GPALPP1: variants seen among roughly 807,000 people sequenced by gnomAD.
The protein encoded by GPALPP1 is GPALPP motifs-containing protein 1.
In GPALPP1, 30 loss-of-function variants were observed where a neutral mutation model predicts 38.9. The observed-to-expected ratio is 0.77, with a 90% confidence interval of 0.58 to 1.05. The LOEUF (loss-of-function observed/expected upper bound fraction) is 1.05, where lower values mean the gene tolerates loss of function less well. GPALPP1 is among the 50% of genes least tolerant of loss of function. The probability of loss-of-function intolerance (pLI) is 0.00; values close to 1 mark genes in which losing one functional copy is unlikely to be tolerated. For synonymous variants in GPALPP1, 120 were observed against 139.2 expected, an observed-to-expected ratio of 0.86 and a Z score of 0.97; for missense variants, 384 against 408.8, an observed-to-expected ratio of 0.94 and a Z score of 0.52.
chr13:44,999,930 A>T (rs1259909444), intron 1 of GPALPP1, among the ~76,000 whole-genome samples: 1 of 152,176 alleles, frequency 6.6e-6, no homozygotes, highest in Non-Finnish European at 1.5e-5. Flanking sequence ...TCATGATGAA[A>T]TAGTTGTTTA....
At chr13:45,034,106 A>C (rs887304389), downstream of GPALPP1, 1 of 152,222 alleles carries the variant, frequency 6.6e-6, no homozygotes, top group African/African-American at 2.4e-5. Flanking sequence ...CCCTATAATA[A>C]GTATTTCTGG....
chr13:45,019,428 G>A (rs758450658), intron 6 of GPALPP1, among the ~76,000 whole-genome samples: 6 of 151,866 alleles, frequency 4.0e-5, no homozygotes, highest in Non-Finnish European at 7.4e-5. Flanking sequence ...GATTGCAGGC[G>A]TGAGCTACCA....
At position 44,989,591 on chromosome 13, in the gene GPALPP1, CT is replaced by C; in HGVS notation, c.-59del. On this transcript the variant is annotated 5_prime_UTR_variant, in exon 1 of 8. Transcript: ENST00000379151. ...ATTCTTCGCTGCTGATCGCGGGATT[CT>C]TTTTGGATAGGGTTGACGTTCGTGG... 6.6e-7 allele frequency: 1 copy of C among 1,516,436 alleles called. No individual in the cohort carries two copies. Among genetic ancestry groups the C allele is most frequent in the Non-Finnish European group, 9.1e-7 (1 of 1,097,066 alleles). 93.9% of individuals were successfully genotyped at this position (1,516,436 alleles called of 1,614,324 possible). A position where few individuals can be genotyped will look rare whatever the true frequency, so the allele number is the denominator to read the frequency against.
chr13:45,016,588 T>C (rs989171781), intron 6 of GPALPP1, among the ~76,000 whole-genome samples: 2 of 152,252 alleles, frequency 1.3e-5, no homozygotes, highest in African/African-American at 4.8e-5. Context: ...CCAGTACTAC[T>C]CCTTCAATTT....
chr13:45,003,707 C>T (rs1241852719), intron 1 of GPALPP1, among the ~76,000 whole-genome samples: 1 of 152,112 alleles, frequency 6.6e-6, no homozygotes, highest in Non-Finnish European at 1.5e-5. Flanking sequence ...ACCTAGAAGA[C>T]CCTTACCACT....
At chr13:45,014,732 T>C (rs953228417) in intron 4 of GPALPP1, among the ~76,000 whole-genome samples, 1 of 151,968 alleles carries the variant, frequency 6.6e-6, no homozygotes, top group Non-Finnish European at 1.5e-5. Flanking sequence ...AGGTGGGAGG[T>C]GGGAGAGAGT....
intron 2 of GPALPP1, among the ~76,000 whole-genome samples, chr13:45,004,656 A>AT (rs1873945450): frequency 6.6e-6 from 1 of 151,938 alleles, no homozygotes; most frequent in East Asian, 1.9e-4. Flanking sequence ...ATATATGTAT[A>AT]TTTTTTCCTG....
chr13:44,989,574 C>A lies in GPALPP1; in HGVS notation c.-81C>A. 3 of 1,492,152 alleles carry A rather than the reference C, an allele frequency of 2.0e-6. No individual in the cohort carries two copies. The highest frequency in any genetic ancestry group is 2.8e-6 in the Non-Finnish European group (3 of 1,075,956). 92.4% of individuals were successfully genotyped at this position (1,492,152 alleles called of 1,614,324 possible). A position where few individuals can be genotyped will look rare whatever the true frequency, so the allele number is the denominator to read the frequency against. ...GCGCCGGGAAACCTGCCATTCTTCG[C>A]TGCTGATCGCGGGATTCTTTTTGGA... is the stretch of plus-strand genomic sequence containing the variant. On this transcript the variant is annotated 5_prime_UTR_variant, in exon 1 of 8. In the 5' UTR this introduces an upstream ATG that the reference lacks. Coordinates refer to ENST00000379151, the MANE Select transcript of GPALPP1 (RefSeq NM_018559.5).
intron 6 of GPALPP1, among the ~76,000 whole-genome samples, chr13:45,018,950 T>C (rs1456705414): frequency 7.4e-6 from 1 of 134,294 alleles, no homozygotes; most frequent in Non-Finnish European, 1.6e-5. Context: ...TATAAATATA[T>C]ATACATATAA....
chr13:44,989,997 G>T lies in GPALPP1; in HGVS notation c.88+255G>T, dbSNP rs1302155241. On this transcript the variant is annotated intron_variant, in intron 1 of 7. Coordinates refer to ENST00000379151, the MANE Select transcript of GPALPP1 (RefSeq NM_018559.5). Reference sequence around the variant, plus strand: ...CATTTAGCCTTAATATGAGCTGCACGCTGCCCTAACTGACTGATACCCACT... The same window carrying T: ...CATTTAGCCTTAATATGAGCTGCACTCTGCCCTAACTGACTGATACCCACT... The T allele has an allele frequency of 7.1e-6, 4 of 564,164 alleles. No individual in the cohort carries two copies. The East Asian group carries it at 8.9e-5, about 13-fold the overall frequency. The allele number at this position is 564,164 out of a possible 1,614,324, so 34.9% of individuals were successfully genotyped here.
At chr13:45,006,853 C>T (rs892496124) in intron 3 of GPALPP1, among the ~76,000 whole-genome samples, 2 of 151,884 alleles carry the variant, frequency 1.3e-5, no homozygotes, top group Admixed American at 1.3e-4. Context: ...TTATATGGAG[C>T]CTGGCACAGA....
At chr13:44,994,860 A>T (rs76442022) in intron 1 of GPALPP1, among the ~76,000 whole-genome samples, 20,789 of 148,920 alleles carry the variant, frequency 0.14, 2,282 homozygotes, top group African/African-American at 0.29. Context: ...AGAGCATTTT[A>T]TTTTTTTTTT....
At chr13:45,016,853 C>T (rs551063513) in intron 6 of GPALPP1, among the ~76,000 whole-genome samples, 6 of 152,284 alleles carry the variant, frequency 3.9e-5, no homozygotes, top group Non-Finnish European at 5.9e-5. Context: ...CTATGTTGTT[C>T]AGGCTAGTCT....
chr13:44,992,826 G>A (rs1335128762), intron 1 of GPALPP1, among the ~76,000 whole-genome samples: 1 of 152,042 alleles, frequency 6.6e-6, no homozygotes, highest in Non-Finnish European at 1.5e-5. Flanking sequence ...CCATTTGTAA[G>A]CATATAGGTC....
At chr13:44,998,702 C>A (rs1423174317) in intron 1 of GPALPP1, among the ~76,000 whole-genome samples, 3 of 152,204 alleles carry the variant, frequency 2.0e-5, no homozygotes, top group Admixed American at 2.0e-4. Flanking sequence ...TGTTAACTAC[C>A]TACTGCCTGT....
At chr13:45,012,374 G>A (rs1426987830) in intron 4 of GPALPP1, among the ~76,000 whole-genome samples, 1 of 151,984 alleles carries the variant, frequency 6.6e-6, no homozygotes, top group Admixed American at 6.6e-5. Context: ...CGTGGGGAGA[G>A]GGACAGAAAA....
intron 7 of GPALPP1, among the ~76,000 whole-genome samples, chr13:45,024,183 G>C (rs1566084495): frequency 1.5e-5 from 2 of 135,492 alleles, no homozygotes; most frequent in African/African-American, 5.9e-5. Context: ...GTGTGTGTGT[G>C]TGTGTGTGTG....
At chr13:45,008,136 T>C (rs1240987787) in intron 3 of GPALPP1, among the ~76,000 whole-genome samples, 2 of 152,204 alleles carry the variant, frequency 1.3e-5, no homozygotes, top group Non-Finnish European at 2.9e-5. Context: ...CTGACCAGGA[T>C]TGTTTTAAGG....
intron 7 of GPALPP1, among the ~76,000 whole-genome samples, chr13:45,022,394 T>C (rs1056043301): frequency 1.3e-5 from 2 of 151,964 alleles, no homozygotes; most frequent in African/African-American, 4.8e-5. Flanking sequence ...ACACTTAATA[T>C]TTATGCATTT....
Sources: gnomAD v4.1 joint callset for allele counts (sites outside exome capture counted in the v4.1 genomes callset) on GRCh38, gnomAD v4.1.1 for gene constraint, MANE v1.5 for transcripts, NCBI Gene and HGNC (gene_info 2026-07-23, HGNC 2026-07-21) for gene names.